Variants in SCRN3 observed in about 807,000 individuals in gnomAD.
SCRN3 encodes secernin 3.
Under a neutral mutation model 43.1 loss-of-function variants are expected in SCRN3, and 39 were observed. The ratio of observed to expected loss-of-function variants is 0.91; its 90% CI spans 0.70 to 1.18. The LOEUF (loss-of-function observed/expected upper bound fraction) is 1.18, where lower values mean the gene tolerates loss of function less well. SCRN3 is among the 50% of genes most tolerant of loss of function. The pLI is 0.00. For synonymous variants in SCRN3, 147 were observed against 163.1 expected (o/e 0.90, Z 0.75); for missense variants, 484 against 498.0 (o/e 0.97, Z 0.27).
chr2:174,423,777 CTTTTTTTTTT>C (rs67646903), intron 6 of SCRN3, among the ~76,000 whole-genome samples: 17 of 95,848 alleles, frequency 1.8e-4, no homozygotes, highest in South Asian at 9.6e-4. Context: ...CCAAGTCTTC[CTTTTTTTTTT>C]TTTTTTTTTT....
At chr2:174,419,711 G>T (rs761668749) in intron 5 of SCRN3, among the ~76,000 whole-genome samples, 4 of 152,046 alleles carry the variant, frequency 2.6e-5, no homozygotes, top group Non-Finnish European at 4.4e-5. Flanking sequence ...TGTTGTTGTT[G>T]TTTTTTAAAC....
At chr2:174,413,810 C>T (rs531151780) in intron 5 of SCRN3, among the ~76,000 whole-genome samples, 2 of 151,528 alleles carry the variant, frequency 1.3e-5, no homozygotes, top group Non-Finnish European at 2.9e-5. Context: ...AGGCTGGTCT[C>T]GAACTCCTGA....
intron 6 of SCRN3, 44 bp downstream of exon 6, chr2:174,423,091 G>A (rs1686352876): frequency 1.3e-6 from 2 of 1,494,644 alleles, no homozygotes; most frequent in Non-Finnish European, 1.8e-6. Flanking sequence ...GTCAGGGGAT[G>A]GAGTAGAGTC....
intron 1 of SCRN3, among the ~76,000 whole-genome samples, chr2:174,396,796 CA>C (rs57053389): frequency 8.5e-4 from 116 of 137,216 alleles, no homozygotes; most frequent in African/African-American, 9.4e-4. Flanking sequence ...TAAACTCCAT[CA>C]AAAAAAAAAA....
intron 3 of SCRN3, among the ~76,000 whole-genome samples, chr2:174,400,559 A>G (rs1041783637): frequency 6.6e-6 from 1 of 152,180 alleles, no homozygotes; most frequent in African/African-American, 2.4e-5. Flanking sequence ...TCAGCTCCTG[A>G]GTAACTGGGA....
intron 4 of SCRN3, among the ~76,000 whole-genome samples, chr2:174,401,783 C>T (rs1232255948): frequency 1.3e-5 from 2 of 152,068 alleles, no homozygotes; most frequent in Non-Finnish European, 2.9e-5. Context: ...AATGAAAGAC[C>T]TAGAATTTAA....
chr2:174,406,127 A>G (rs2105577856), intron 5 of SCRN3, among the ~76,000 whole-genome samples: 1 of 137,670 alleles, frequency 7.3e-6, no homozygotes, highest in South Asian at 2.3e-4. Flanking sequence ...ATCCTCTTTT[A>G]TTTCTTTGAG....
chr2:174,404,356 AT>A (rs1246716540), intron 5 of SCRN3, 41 bp downstream of exon 5: 5 of 1,396,978 alleles, frequency 3.6e-6, no homozygotes, highest in Admixed American at 3.5e-5. Context: ...GACAAACTAC[AT>A]TTTGTGTAGA....
At chr2:174,415,330 G>T (rs999447340) in intron 5 of SCRN3, among the ~76,000 whole-genome samples, 2 of 151,114 alleles carry the variant, frequency 1.3e-5, no homozygotes, top group Admixed American at 6.6e-5. Flanking sequence ...CCCACAAAGA[G>T]AAATAAGAAA....
chr2:174,411,348 C>T (rs1685910131), intron 5 of SCRN3, among the ~76,000 whole-genome samples: 1 of 144,438 alleles, frequency 6.9e-6, no homozygotes, highest in Non-Finnish European at 1.6e-5. Context: ...AATGAATCTA[C>T]ATGTATTTGC....
intron 1 of SCRN3, 27 bp from the exon 2 acceptor site, chr2:174,398,248 A>G (rs769777623): frequency 2.1e-6 from 3 of 1,428,742 alleles, no homozygotes; most frequent in Non-Finnish European, 2.8e-6. Flanking sequence ...TGTTCTTTTT[A>G]TTTTAAAACA....
intron 2 of SCRN3, 106 bp from the exon 3 acceptor site, chr2:174,399,816 T>C: frequency 2.6e-6 from 2 of 762,932 alleles, no homozygotes; most frequent in Non-Finnish European, 3.7e-6. Context: ...CCTTTACCTC[T>C]TTCATAACAG....
chr2:174,425,061 G>T (rs952204056), intron 7 of SCRN3, among the ~76,000 whole-genome samples: 2 of 152,050 alleles, frequency 1.3e-5, no homozygotes, highest in South Asian at 2.1e-4. Flanking sequence ...TCCAAAGAGC[G>T]GTTGACCTGG....
chr2:174,400,873 A>G (rs1685484301), intron 3 of SCRN3, 117 bp from the exon 4 acceptor site: 1 of 841,642 alleles, frequency 1.2e-6, no homozygotes, highest in Non-Finnish European at 1.8e-6. Context: ...ATGTCATTTC[A>G]TCTGTTAACT....
At chr2:174,422,340 A>C (rs1686320077) in intron 5 of SCRN3, among the ~76,000 whole-genome samples, 1 of 152,150 alleles carries the variant, frequency 6.6e-6, no homozygotes, top group Non-Finnish European at 1.5e-5. Context: ...CGGGAGGCCG[A>C]GCTGGGGAGG....
Position 174,395,779 on chromosome 2 carries a change from C to G in SCRN3, c.-48C>G. On this transcript the variant is annotated 5_prime_UTR_variant, in exon 1 of 8. Transcript: ENST00000272732. ...CTGATGCCTCCACTGGCCACTCCTCCCTCCGTCCACCTGTCACTTCGGGTA... is the reference window on the plus strand; with the variant it reads ...CTGATGCCTCCACTGGCCACTCCTCGCTCCGTCCACCTGTCACTTCGGGTA... 1.3e-6 allele frequency: 2 copies of G among 1,565,640 alleles called. No individual in the cohort carries two copies. The highest frequency in any genetic ancestry group is 1.7e-6 in the Non-Finnish European group (2 of 1,154,228).
At chr2:174,415,283 G>A (rs895879409) in intron 5 of SCRN3, among the ~76,000 whole-genome samples, 1 of 151,298 alleles carries the variant, frequency 6.6e-6, no homozygotes, top group African/African-American at 2.4e-5. Flanking sequence ...AAATTTTGTA[G>A]GCAAAATGGC....
intron 5 of SCRN3, among the ~76,000 whole-genome samples, chr2:174,420,757 G>T (rs1478267440): frequency 6.6e-6 from 1 of 152,064 alleles, no homozygotes. Flanking sequence ...CAGTAGAAAA[G>T]ATTCCAATTC....
At chr2:174,423,926 C>T (rs368772179) in intron 6 of SCRN3, among the ~76,000 whole-genome samples, 3 of 151,828 alleles carry the variant, frequency 2.0e-5, no homozygotes, top group East Asian at 3.9e-4. Context: ...ATAGCTGGTA[C>T]TGCAGGTGCA....
Sources: allele counts gnomAD v4.1 joint callset (sites outside exome capture counted in the v4.1 genomes callset), GRCh38; gene constraint gnomAD v4.1.1; transcripts MANE v1.5; gene names NCBI Gene and HGNC (gene_info 2026-07-23, HGNC 2026-07-21).